The following GAN variants were observed in gnomAD, a reference collection of about 807,000 sequenced individuals.
GAN encodes the protein epididymis secretory sperm binding protein.
In GAN, 48 loss-of-function variants were observed where a neutral mutation model predicts 71.3. That is an observed-to-expected ratio of 0.67 (90% confidence interval 0.53 to 0.86). GAN has a LOEUF of 0.86. Among genes scored for constraint, GAN ranks in the 40% least tolerant of loss-of-function variants. The pLI is 0.00. For missense variants in GAN, 928 were observed against 770.1 expected (o/e 1.21, Z -2.43); for synonymous variants, 386 against 276.8 (o/e 1.39, Z -3.92).
intron 1 of GAN, among the ~76,000 whole-genome samples, chr16:81,345,846 G>A (rs1406398508): frequency 6.6e-6 from 1 of 152,194 alleles, no homozygotes; most frequent in Non-Finnish European, 1.5e-5. Flanking sequence ...CCACAGACAG[G>A]AGTTCTGGGG....
At chr16:81,331,479 G>T (rs1909575075) in intron 1 of GAN, among the ~76,000 whole-genome samples, 2 of 152,184 alleles carry the variant, frequency 1.3e-5, no homozygotes, top group African/African-American at 4.8e-5. Context: ...AGGGTGCAAA[G>T]GAACTCAGTA....
Position 81,357,020 on chromosome 16 carries a change from C to G in GAN, c.851+18C>G, listed in dbSNP as rs1244378784. 6.1e-6 allele frequency: 9 copies of G among 1,476,496 alleles called. No homozygotes were observed. Among genetic ancestry groups the G allele is most frequent in the Non-Finnish European group, 8.5e-6 (9 of 1,056,114 alleles). The allele number at this position is 1,476,496 out of a possible 1,614,324, so 91.5% of individuals were successfully genotyped here. On this transcript the variant is annotated intron_variant, in intron 4 of 10. Transcript: ENST00000648994. ...GAGAGAGTGTAAGTATGAGGTGGGACTTGTTTGAAAAGTGGTGTATGGGAA... is the reference window on the plus strand; with the variant it reads ...GAGAGAGTGTAAGTATGAGGTGGGAGTTGTTTGAAAAGTGGTGTATGGGAA...
chr16:81,366,055 C>T (rs1394598324), intron 9 of GAN, among the ~76,000 whole-genome samples: 1 of 152,216 alleles, frequency 6.6e-6, no homozygotes, highest in African/African-American at 2.4e-5. Flanking sequence ...AAGCTCCCTT[C>T]CCGCTGTCCA....
At chr16:81,334,865 G>A (rs76443898) in intron 1 of GAN, among the ~76,000 whole-genome samples, 5 of 152,228 alleles carry the variant, frequency 3.3e-5, no homozygotes, top group South Asian at 2.1e-4. Flanking sequence ...ACCTGGCTGC[G>A]TGCTCATTTA....
intron 1 of GAN, among the ~76,000 whole-genome samples, chr16:81,349,415 G>A (rs1910226055): frequency 1.3e-5 from 2 of 152,176 alleles, no homozygotes; most frequent in Admixed American, 1.3e-4. Context: ...TTGGGAGGCT[G>A]AGGTGGGCAG....
rs1366245842 is a variant in GAN at position 81,379,993 on chromosome 16, C to G, written c.*2397C>G. On this transcript the variant is annotated 3_prime_UTR_variant, in exon 11 of 11. Transcript: ENST00000648994. The stretch of plus-strand genomic sequence containing the variant: ...AATGTTTTATAAAATAAATTTGCCA[C>G]ATAATATGGGATGCAATAACCAACA... The G allele has an allele frequency of 6.6e-6, 1 of 152,122 alleles. No homozygotes were observed. Among genetic ancestry groups the G allele is most frequent in the African/African-American group, 2.4e-5 (1 of 41,262 alleles). The allele number at this position is 152,122 out of a possible 1,614,324, so 9.4% of individuals were successfully genotyped here. A position where few individuals can be genotyped will look rare whatever the true frequency, so the allele number is the denominator to read the frequency against.
chr16:81,371,774 G>T (rs934523807), intron 9 of GAN: 1 of 152,188 alleles, frequency 6.6e-6, no homozygotes, highest in Non-Finnish European at 1.5e-5. Context: ...AGCTGCCCCA[G>T]TGAGGCTGCC....
chr16:81,329,694 G>A (rs1909508503), intron 1 of GAN, among the ~76,000 whole-genome samples: 1 of 152,106 alleles, frequency 6.6e-6, no homozygotes, highest in Non-Finnish European at 1.5e-5. Flanking sequence ...GTCTCTCCAG[G>A]CTTCTGTGGC....
chr16:81,360,344 G>A (rs560716666), intron 5 of GAN, among the ~76,000 whole-genome samples: 1 of 152,110 alleles, frequency 6.6e-6, no homozygotes, highest in Admixed American at 6.5e-5. Context: ...TAGCATTTCA[G>A]CTTTGGTATT....
rs752482737 is a variant in GAN at position 81,390,078 on chromosome 16, G to C, written c.*12482G>C. ...ACACATATTCAGTGAAGATTGTATT[G>C]TGTGTGATATTATCCTATCTTTAAT... is the stretch of plus-strand genomic sequence containing the variant. On this transcript the variant is annotated 3_prime_UTR_variant, in exon 11 of 11. Coordinates refer to ENST00000648994, the MANE Select transcript of GAN (RefSeq NM_022041.4). 6.6e-6 allele frequency: 1 copy of C among 152,116 alleles called. No individual in the cohort carries two copies. The highest frequency in any genetic ancestry group is 1.5e-5 in the Non-Finnish European group (1 of 68,028). The allele number at this position is 152,116 out of a possible 1,614,324, so 9.4% of individuals were successfully genotyped here.
Position 81,365,458 on chromosome 16 carries a change from C to T in GAN, c.1482C>T (p.Phe494=). ...AGATGGTAACTTGCAAGTCCGAGTT[C>T]TACCATGATGAGTTTAAAAGGTAAC... is the stretch of plus-strand genomic sequence containing the variant. ...GSEMVTCKSE[F]YHDEFKRWIY... is the part of the protein sequence containing the mutation. The change falls in exon 9 of 11, where the codon TTC becomes TTT. Residue 494 remains phenylalanine, a synonymous_variant. Transcript: ENST00000648994. The T allele has an allele frequency of 1.9e-6, 3 of 1,613,642 alleles. No individual in the cohort carries two copies. The highest frequency in any genetic ancestry group is 2.7e-5 in the African/African-American group (2 of 74,836).
rs1201363054 is a variant in GAN, at chr16:81,354,598, C to T, written c.476C>T (p.Thr159Ile). 1 of 1,614,102 alleles carries T rather than the reference C, an allele frequency of 6.2e-7. No homozygotes were observed. The highest frequency in any genetic ancestry group is 1.7e-5 in the Admixed American group (1 of 60,022). ...TACCTTGCCACAGAATACCTGGAGA[C>T]TCATTTCCGAGACGTCAGCAGCACG... is the stretch of plus-strand genomic sequence containing the variant. ...VHYLATEYLE[T>I]HFRDVSSTEE... Residue 159 changes from threonine to isoleucine, a missense_variant, in exon 3 of 11, where the codon ACT becomes ATT. Physicochemically the swap from Thr to Ile is moderately conservative, Grantham distance 89 (BLOSUM62 -1). Transcript: ENST00000648994.
intron 5 of GAN, among the ~76,000 whole-genome samples, chr16:81,359,408 T>G (rs310036): frequency 0.026 from 3,958 of 150,108 alleles, 134 homozygotes; most frequent in African/African-American, 0.066. Context: ...CTGCATTGTT[T>G]TTTTTTTTTT....
In GAN at chr16:81,380,195, T is replaced by A. The variant is rs1904298377; in HGVS notation, c.*2599T>A. The stretch of plus-strand genomic sequence containing the variant: ...GACTCATTTCATGCAGGTTTGTGTT[T>A]TAACATTCCACTTATGCCTTGAAAC... On this transcript the variant is annotated 3_prime_UTR_variant, in exon 11 of 11. Transcript: ENST00000648994. The A allele has an allele frequency of 6.6e-6, 1 of 152,664 alleles. No individual in the cohort carries two copies. The highest frequency in any genetic ancestry group is 1.5e-5 in the Non-Finnish European group (1 of 68,038). 9.5% of individuals were successfully genotyped at this position (152,664 alleles called of 1,614,324 possible).
chr16:81,365,168 C>T (rs754182604), intron 8 of GAN, 58 bp downstream of exon 8: 70 of 1,583,882 alleles, frequency 4.4e-5, no homozygotes, highest in Non-Finnish European at 6.1e-5. Context: ...GGTCTGGAGC[C>T]CCTTACCCTG....
At chr16:81,363,277 T>C (rs1386133230) in intron 6 of GAN, among the ~76,000 whole-genome samples, 2 of 152,244 alleles carry the variant, frequency 1.3e-5, no homozygotes, top group African/African-American at 4.8e-5. Context: ...CATTTTCTTG[T>C]TGTGAGCTAT....
chr16:81,364,911 A>G, intron 7 of GAN, 63 bp from the exon 8 acceptor site: 6 of 1,517,482 alleles, frequency 4.0e-6, no homozygotes, highest in East Asian at 4.5e-5. Flanking sequence ...ACAGTTTAAT[A>G]TCTGTTCACC....
chr16:81,324,760 C>G (rs1460541083), intron 1 of GAN, among the ~76,000 whole-genome samples: 6 of 152,124 alleles, frequency 3.9e-5, no homozygotes, highest in Admixed American at 2.6e-4. Flanking sequence ...ATCTTACGGG[C>G]TATGGATGGG....
At chr16:81,363,767 G>C in intron 6 of GAN, 27 bp from the exon 7 acceptor site, 1 of 1,608,638 alleles carries the variant, frequency 6.2e-7, no homozygotes, top group Non-Finnish European at 8.5e-7. Context: ...GGCCTTGTGT[G>C]TTCAGGGATC....
Sources: gnomAD v4.1 joint callset for allele counts (sites outside exome capture counted in the v4.1 genomes callset) on GRCh38, gnomAD v4.1.1 for gene constraint, MANE v1.5 for transcripts, NCBI Gene and HGNC (gene_info 2026-07-23, HGNC 2026-07-21) for gene names.